Variants in GNB1 observed in about 807,000 individuals in gnomAD.
The protein encoded by GNB1 is guanine nucleotide-binding protein G(I)/G(S)/G(T) subunit beta-1.
A neutral mutation model predicts 42.9 loss-of-function variants in GNB1; 2 were observed. The ratio of observed to expected loss-of-function variants is 0.05; its 90% CI spans 0.02 to 0.15. GNB1 has a LOEUF of 0.15. Ranked by LOEUF, GNB1 falls within the 10% of genes least tolerant of loss-of-function variation. The pLI, the probability that GNB1 is intolerant of heterozygous loss-of-function variation, is 1.00. For missense variants in GNB1, 193 were observed against 462.2 expected (o/e 0.42, Z 5.34); for synonymous variants, 183 against 174.7 (o/e 1.05, Z -0.38).
Position 1,786,388 on chromosome 1 carries a change from G to A in GNB1, c.*675C>T, listed in dbSNP as rs1359193768. On this transcript the variant is annotated 3_prime_UTR_variant, in exon 12 of 12. Coordinates refer to ENST00000378609, the MANE Select transcript of GNB1 (RefSeq NM_002074.5). ...CACGCATTTGAGACCGTCCCCGCAT[G>A]TGCTTGGCCCCATGGCTTCTGAACA... 2 of 269,224 alleles carry A rather than the reference G, an allele frequency of 7.4e-6. No homozygotes were observed. Among genetic ancestry groups the A allele is most frequent in the Non-Finnish European group, 6.9e-6 (1 of 144,338 alleles). The allele number at this position is 269,224 out of a possible 1,614,324, so 16.7% of individuals were successfully genotyped here. A position where few individuals can be genotyped will look rare whatever the true frequency, so the allele number is the denominator to read the frequency against.
At chr1:1,836,170 C>T (rs569758317) in intron 2 of GNB1, among the ~76,000 whole-genome samples, 1 of 152,108 alleles carries the variant, frequency 6.6e-6, no homozygotes, top group South Asian at 2.1e-4. Context: ...TTCCCAACAT[C>T]CTATAAGCAA....
intron 10 of GNB1, chr1:1,788,230 T>A (rs182256034): frequency 6.6e-5 from 10 of 152,356 alleles, no homozygotes; most frequent in African/African-American, 2.2e-4. Flanking sequence ...CTGTCAACAC[T>A]CCCAATAACC....
intron 1 of GNB1, among the ~76,000 whole-genome samples, chr1:1,862,775 A>C (rs1648704297): frequency 6.6e-6 from 1 of 152,154 alleles, no homozygotes; most frequent in Non-Finnish European, 1.5e-5. Flanking sequence ...TTATTTGTAC[A>C]GAAGCAGAAC....
At chr1:1,843,282 C>T (rs552647049) in intron 1 of GNB1, among the ~76,000 whole-genome samples, 48 of 152,282 alleles carry the variant, frequency 3.2e-4, no homozygotes, top group South Asian at 6.2e-4. Context: ...TACAGTGGCA[C>T]AATCATGGCT....
intron 9 of GNB1, among the ~76,000 whole-genome samples, chr1:1,789,611 G>T (rs756663524): frequency 8.0e-5 from 12 of 150,150 alleles, no homozygotes; most frequent in African/African-American, 1.5e-4. Flanking sequence ...AGAACTGCTT[G>T]AAACCGGGAG....
intron 7 of GNB1, among the ~76,000 whole-genome samples, chr1:1,794,586 A>G (rs972277263): frequency 2.0e-5 from 3 of 152,212 alleles, no homozygotes; most frequent in Non-Finnish European, 4.4e-5. Context: ...CACTGCGTGA[A>G]TCAGCAAACA....
At chr1:1,807,994 C>G (rs544286078) in intron 5 of GNB1, among the ~76,000 whole-genome samples, 1 of 151,796 alleles carries the variant, frequency 6.6e-6, no homozygotes, top group African/African-American at 2.4e-5. Context: ...CAGGCGGGAG[C>G]CACCACGCCC....
intron 7 of GNB1, among the ~76,000 whole-genome samples, chr1:1,795,597 A>C (rs945330595): frequency 2.6e-5 from 4 of 151,964 alleles, no homozygotes; most frequent in Non-Finnish European, 4.4e-5. Flanking sequence ...AAAATATAAA[A>C]ATTAGCCAGC....
intron 2 of GNB1, among the ~76,000 whole-genome samples, chr1:1,829,843 A>C (rs1359986629): frequency 6.6e-6 from 1 of 151,962 alleles, no homozygotes; most frequent in East Asian, 1.9e-4. Flanking sequence ...ATTTCAAGCG[A>C]TTCTTTTGCC....
Position 1,825,443 on chromosome 1 carries a change from A to G in GNB1, c.11T>C (p.Leu4Pro). The G allele has an allele frequency of 1.2e-6, 2 of 1,612,142 alleles. No individual in the cohort carries two copies. Among genetic ancestry groups the G allele is most frequent in the Non-Finnish European group, 1.7e-6 (2 of 1,178,128 alleles). The change falls in exon 3 of 12, where the codon CTT becomes CCT. Residue 4 changes from leucine to proline, a missense_variant. Around this residue, in one of 2 missense-constraint regions of GNB1, gnomAD observed 43 missense variants for 51.5 expected, o/e 0.84. Transcript: ENST00000378609. MSE[L>P]DQLRQEAEQL... ...CTCGGCCTCCTGCCGTAACTGGTCA[A>G]GCTCACTCATCTTCCGATCTTAGTG... is the stretch of plus-strand genomic sequence containing the variant.
At chr1:1,826,174 T>C (rs1646995748) in intron 2 of GNB1, among the ~76,000 whole-genome samples, 1 of 152,150 alleles carries the variant, frequency 6.6e-6, no homozygotes, top group South Asian at 2.1e-4. Flanking sequence ...CCCAACAATT[T>C]GGGAGGCCAA....
chr1:1,829,543 G>A (rs1459402101), intron 2 of GNB1, among the ~76,000 whole-genome samples: 2 of 152,132 alleles, frequency 1.3e-5, no homozygotes, highest in African/African-American at 4.8e-5. Flanking sequence ...CCCATGGGCT[G>A]CAAGGGAACC....
intron 2 of GNB1, among the ~76,000 whole-genome samples, chr1:1,828,231 G>C (rs1647025753): frequency 6.6e-6 from 1 of 152,184 alleles, no homozygotes; most frequent in African/African-American, 2.4e-5. Context: ...TGAGGCAGGA[G>C]AATCGCTTGA....
At chr1:1,842,884 G>A (rs1000671072) in intron 1 of GNB1, among the ~76,000 whole-genome samples, 1 of 152,232 alleles carries the variant, frequency 6.6e-6, no homozygotes, top group African/African-American at 2.4e-5. Flanking sequence ...GCGAAGCCTC[G>A]CTCCGGGGCA....
chr1:1,874,038 A>C (rs1013134081), intron 1 of GNB1, among the ~76,000 whole-genome samples: 6 of 152,274 alleles, frequency 3.9e-5, no homozygotes, highest in Middle Eastern at 3.4e-3. Context: ...CTTCTCATTG[A>C]CTTCTGATCT....
chr1:1,861,537 G>A (rs1399439623), intron 1 of GNB1, among the ~76,000 whole-genome samples: 2 of 151,820 alleles, frequency 1.3e-5, no homozygotes, highest in African/African-American at 4.8e-5. Flanking sequence ...AGGGAAGCAG[G>A]ATTGGCAAGC....
chr1:1,822,333 G>A (rs1276117790), intron 3 of GNB1, among the ~76,000 whole-genome samples: 6 of 136,012 alleles, frequency 4.4e-5, no homozygotes, highest in Non-Finnish European at 6.1e-5. Context: ...ACGGAGTCTC[G>A]CTCTGTCTCC....
At chr1:1,889,389 C>T (rs1650340148) in intron 1 of GNB1, among the ~76,000 whole-genome samples, 1 of 152,214 alleles carries the variant, frequency 6.6e-6, no homozygotes, top group Admixed American at 6.5e-5. Flanking sequence ...ACCATTTCTA[C>T]ACTATTTACC....
At chr1:1,805,324 G>A (rs1456367081) in intron 6 of GNB1, among the ~76,000 whole-genome samples, 1 of 151,612 alleles carries the variant, frequency 6.6e-6, no homozygotes, top group South Asian at 2.1e-4. Context: ...GCTGGGTGTG[G>A]TGGTGGGCGC....
Sources: allele counts gnomAD v4.1 joint callset (sites outside exome capture counted in the v4.1 genomes callset), GRCh38; gene constraint gnomAD v4.1.1; regional missense constraint gnomAD v4.1.1; transcripts MANE v1.5; gene names NCBI Gene and HGNC (gene_info 2026-07-23, HGNC 2026-07-21).